AUTS2: variants seen among roughly 807,000 people sequenced by gnomAD.
AUTS2 encodes the protein activator of transcription and developmental regulator AUTS2.
AUTS2 carries 17 observed loss-of-function variants against 112.4 expected under a neutral mutation model. The ratio of observed to expected loss-of-function variants is 0.15; its 90% CI spans 0.10 to 0.23. The LOEUF is 0.23. Ranked by LOEUF, AUTS2 falls within the 10% of genes least tolerant of loss-of-function variation. The probability of loss-of-function intolerance (pLI) is 1.00; values close to 1 mark genes in which losing one functional copy is unlikely to be tolerated. For synonymous variants in AUTS2, 751 were observed against 702.7 expected (o/e 1.07, Z -1.09); for missense variants, 1,510 against 1,701.6 (o/e 0.89, Z 1.98).
chr7:70,398,715 C>G (rs569801470), intron 4 of AUTS2, among the ~76,000 whole-genome samples: 309 of 152,208 alleles, frequency 2.0e-3, no homozygotes, highest in Non-Finnish European at 3.4e-3. Context: ...ATTACTATCT[C>G]TTTTCCTTGT....
chr7:69,629,032 T>TA (rs1445091756), intron 1 of AUTS2, among the ~76,000 whole-genome samples: 2 of 152,336 alleles, frequency 1.3e-5, no homozygotes, highest in African/African-American at 4.8e-5. Context: ...AGTCAGCTGC[T>TA]ACGTGCATTT....
At chr7:70,177,846 T>G (rs1254848980) in intron 4 of AUTS2, among the ~76,000 whole-genome samples, 2 of 145,274 alleles carry the variant, frequency 1.4e-5, no homozygotes, top group Admixed American at 1.4e-4. Context: ...AAATCATTGC[T>G]AATACACTGG....
intron 4 of AUTS2, among the ~76,000 whole-genome samples, chr7:70,212,370 T>C (rs1283250722): frequency 4.6e-5 from 7 of 152,198 alleles, no homozygotes; most frequent in East Asian, 1.9e-4. Context: ...CAGCTCATAG[T>C]TGGGACTCAT....
intron 2 of AUTS2, among the ~76,000 whole-genome samples, chr7:70,072,117 T>C (rs1399858171): frequency 1.3e-5 from 2 of 152,232 alleles, no homozygotes; most frequent in Non-Finnish European, 2.9e-5. Context: ...TTTTTCTTGC[T>C]TGCTTTCTTC....
chr7:70,208,350 AT>A (rs1165227015), intron 4 of AUTS2, among the ~76,000 whole-genome samples: 1 of 152,216 alleles, frequency 6.6e-6, no homozygotes, highest in African/African-American at 2.4e-5. Context: ...TCACTATGTT[AT>A]TAAATAACTG....
chr7:70,707,376 C>T (rs970060465), intron 6 of AUTS2, among the ~76,000 whole-genome samples: 3 of 152,110 alleles, frequency 2.0e-5, no homozygotes, highest in Non-Finnish European at 2.9e-5. Flanking sequence ...TCCAAGGTCG[C>T]GCACCTAGTA....
intron 5 of AUTS2, among the ~76,000 whole-genome samples, chr7:70,458,414 A>G (rs1432769637): frequency 1.3e-5 from 2 of 152,192 alleles, no homozygotes; most frequent in Non-Finnish European, 2.9e-5. Flanking sequence ...TGGTCTCTCA[A>G]GTATAAAGAA....
intron 2 of AUTS2, among the ~76,000 whole-genome samples, chr7:70,067,594 C>T (rs954997405): frequency 6.6e-6 from 1 of 152,002 alleles, no homozygotes; most frequent in African/African-American, 2.4e-5. Flanking sequence ...GCCTGTAATC[C>T]CAGCACTTTG....
intron 4 of AUTS2, among the ~76,000 whole-genome samples, chr7:70,141,371 C>A (rs1806854780): frequency 1.3e-5 from 2 of 151,920 alleles, no homozygotes; most frequent in Non-Finnish European, 2.9e-5. Context: ...GGAGTTAGTC[C>A]CCAGAAGAGG....
intron 6 of AUTS2, among the ~76,000 whole-genome samples, chr7:70,753,094 C>T (rs1055575793): frequency 2.0e-5 from 3 of 152,040 alleles, no homozygotes; most frequent in Admixed American, 6.6e-5. Context: ...CACTCAACTG[C>T]GGTGTGTTGC....
chr7:70,240,530 G>C (rs1471044413), intron 4 of AUTS2, among the ~76,000 whole-genome samples: 1 of 152,138 alleles, frequency 6.6e-6, no homozygotes, highest in East Asian at 1.9e-4. Context: ...CCTGACTCCG[G>C]TCTAGTATTA....
chr7:69,762,169 T>C (rs866513179), intron 1 of AUTS2, among the ~76,000 whole-genome samples: 1 of 152,144 alleles, frequency 6.6e-6, no homozygotes, highest in African/African-American at 2.4e-5. Flanking sequence ...TGTCCTGATT[T>C]CTCTGGGCCT....
At chr7:69,830,131 G>T (rs1231006337) in intron 1 of AUTS2, among the ~76,000 whole-genome samples, 1 of 152,014 alleles carries the variant, frequency 6.6e-6, no homozygotes, top group African/African-American at 2.4e-5. Flanking sequence ...AAACTAACAC[G>T]GGAACAGAAA....
intron 1 of AUTS2, among the ~76,000 whole-genome samples, chr7:69,617,511 G>C (rs1793443396): frequency 6.6e-6 from 1 of 152,162 alleles, no homozygotes; most frequent in Non-Finnish European, 1.5e-5. Context: ...GATGTTGGCG[G>C]CTGGAACAAA....
chr7:69,740,691 T>A (rs527678867), intron 1 of AUTS2, among the ~76,000 whole-genome samples: 1 of 151,936 alleles, frequency 6.6e-6, no homozygotes, highest in East Asian at 1.9e-4. Flanking sequence ...GCCTGGCTAA[T>A]TTTTTTGTAT....
At chr7:70,496,770 C>T (rs1307161517) in intron 5 of AUTS2, among the ~76,000 whole-genome samples, 3 of 121,010 alleles carry the variant, frequency 2.5e-5, no homozygotes, top group African/African-American at 6.3e-5. Flanking sequence ...ACTCACACCA[C>T]GTACACAGTC....
chr7:69,927,016 A>G (rs2129543515), intron 2 of AUTS2, among the ~76,000 whole-genome samples: 1 of 147,606 alleles, frequency 6.8e-6, no homozygotes, highest in Admixed American at 6.8e-5. Flanking sequence ...CAAGGAAATA[A>G]AAAATTGTAG....
intron 4 of AUTS2, among the ~76,000 whole-genome samples, chr7:70,314,155 C>T (rs907283147): frequency 2.6e-5 from 4 of 152,114 alleles, no homozygotes; most frequent in East Asian, 1.9e-4. Flanking sequence ...CCTTTCCTTC[C>T]GTGCATGTTG....
intron 5 of AUTS2, among the ~76,000 whole-genome samples, chr7:70,672,131 A>C (rs10257489): frequency 1.3e-5 from 2 of 152,012 alleles, no homozygotes; most frequent in African/African-American, 4.8e-5. Context: ...TTAAAGTGCC[A>C]ATGGACAATC....
Sources: gnomAD v4.1 joint callset for allele counts (sites outside exome capture counted in the v4.1 genomes callset) on GRCh38, gnomAD v4.1.1 for gene constraint, MANE v1.5 for transcripts, NCBI Gene and HGNC (gene_info 2026-07-23, HGNC 2026-07-21) for gene names.